Variants in SLC45A1 observed in about 807,000 individuals in gnomAD.
The protein encoded by SLC45A1 is proton-associated sugar transporter A.
SLC45A1 carries 28 observed loss-of-function variants against 57.6 expected under a neutral mutation model. The ratio of observed to expected loss-of-function variants is 0.49; its 90% CI spans 0.36 to 0.67. The LOEUF is 0.67. Ranked by LOEUF, SLC45A1 falls within the 30% of genes least tolerant of loss-of-function variation. The probability of loss-of-function intolerance (pLI) is 0.00; values close to 1 mark genes in which losing one functional copy is unlikely to be tolerated. For synonymous variants in SLC45A1, 459 were observed against 471.5 expected (o/e 0.97, Z 0.34); for missense variants, 814 against 1,041.5 (o/e 0.78, Z 3.01).
In SLC45A1 at chr1:8,343,849, C is replaced by T; in HGVS notation, c.2083C>T (p.Leu695=). 2 of 1,614,152 alleles carry T rather than the reference C, an allele frequency of 1.2e-6. No individual in the cohort carries two copies. Among genetic ancestry groups the T allele is most frequent in the Non-Finnish European group, 1.7e-6 (2 of 1,180,014 alleles). The part of the protein sequence containing the change: ...FLAQILVSLV[L]GPLTSAVGSA... Reference sequence around the variant, plus strand: ...GGCTCAGATTCTGGTCTCCCTGGTCCTGGGGCCCCTGACCTCGGCCGTGGG... The same window carrying T: ...GGCTCAGATTCTGGTCTCCCTGGTCTTGGGGCCCCTGACCTCGGCCGTGGG... The change falls in exon 9 of 9, where the codon CTG becomes TTG. Residue 695 remains leucine (L), a synonymous_variant. Transcript: ENST00000471889. This position sits in a 1 kb window ranked among gnomAD's most constrained non-coding sequence, Gnocchi z 7.7.
chr1:8,319,128 A>T (rs190557121), intron 1 of SLC45A1, among the ~76,000 whole-genome samples: 1 of 152,282 alleles, frequency 6.6e-6, no homozygotes, highest in African/African-American at 2.4e-5. Context: ...TAAAAATACA[A>T]AATTAGCCGG....
chr1:8,343,290 C>G lies in SLC45A1; in HGVS notation c.1981-457C>G, dbSNP rs189009910. Among the ~76,000 whole-genome samples the G allele has an allele frequency of 6.6e-6, 1 of 152,316 alleles. No individual in the cohort carries two copies. The highest frequency in any genetic ancestry group is 6.5e-5 in the Admixed American group (1 of 15,302). On this transcript the variant is annotated intron_variant, in intron 8 of 8. Coordinates refer to ENST00000471889, the MANE Select transcript of SLC45A1 (RefSeq NM_001080397.3). The surrounding 1 kb of genome is among the most constrained non-coding windows in gnomAD (Gnocchi z 7.7). ...AGGGAGAGTGAGTGACGTGCCCAAG[C>G]TGGAGGCCACGAGGACCTTGGAGCC...
rs1640890106 is a variant in SLC45A1, at chr1:8,343,344, G to A, written c.1981-403G>A. ...GACAGAGGACCAGCGGCTGTCATGT[G>A]CAGAGGACTTTGGGGGTGTAGGGCA... On this transcript the variant is annotated intron_variant, in intron 8 of 8. Coordinates refer to ENST00000471889, the MANE Select transcript of SLC45A1 (RefSeq NM_001080397.3). This position sits in a 1 kb window ranked among gnomAD's most constrained non-coding sequence, Gnocchi z 7.7. Among the ~76,000 whole-genome samples the A allele has an allele frequency of 6.6e-6, 1 of 152,226 alleles. No individual in the cohort carries two copies. Among genetic ancestry groups the A allele is most frequent in the Admixed American group, 6.5e-5 (1 of 15,284 alleles).
chr1:8,324,502 C>CCGGG lies in SLC45A1; in HGVS notation c.174_175insGGGC (p.Ser59GlyfsTer14). 1.2e-6 allele frequency: 2 copies of CCGGG among 1,610,512 alleles called. No homozygotes were observed. Among genetic ancestry groups the CCGGG allele is most frequent in the South Asian group, 1.1e-5 (1 of 91,058 alleles). On this transcript the variant is annotated frameshift_variant, in exon 2 of 9. Coordinates refer to ENST00000471889, the MANE Select transcript of SLC45A1 (RefSeq NM_001080397.3). LOFTEE classifies it high-confidence loss of function. ...CCCAAGAGGAGGAAGTGCATTCGTCCCTCCCCACCCCCGCCCCCCAACACC... is the reference window on the plus strand; with the variant it reads ...CCCAAGAGGAGGAAGTGCATTCGTCCCGGGCTCCCCACCCCCGCCCCCCAACACC...
intron 5 of SLC45A1, among the ~76,000 whole-genome samples, chr1:8,334,406 G>C (rs988800418): frequency 1.3e-5 from 2 of 152,156 alleles, no homozygotes; most frequent in African/African-American, 2.4e-5. Context: ...CATCCCAGTG[G>C]AGCCAGGCAG....
rs1184750166 is a variant in SLC45A1 at position 8,325,159 on chromosome 1, C to T, written c.398-139C>T. The T allele has an allele frequency of 9.7e-6, 6 of 621,602 alleles. No homozygotes were observed. Among genetic ancestry groups the T allele is most frequent in the Non-Finnish European group, 1.7e-5 (6 of 347,384 alleles). The allele number at this position is 621,602 out of a possible 1,614,324, so 38.5% of individuals were successfully genotyped here. A position where few individuals can be genotyped will look rare whatever the true frequency, so the allele number is the denominator to read the frequency against. On this transcript the variant is annotated intron_variant, in intron 2 of 8. Transcript: ENST00000471889. This position sits in a 1 kb window ranked among gnomAD's most constrained non-coding sequence, Gnocchi z 6.3. ...TTGGTTTCCGAGTTCAGGGTTTTGT[C>T]ACTGACTGTTTCATCATCTTATTCT...
rs111698660 is a variant in SLC45A1 at position 8,342,898 on chromosome 1, C to CAAA, written c.1981-837_1981-835dup. Among the ~76,000 whole-genome samples, 681 of 132,782 alleles carry CAAA rather than the reference C, an allele frequency of 5.1e-3. 9 individuals are homozygous for CAAA. The highest frequency in any genetic ancestry group is 0.012 in the South Asian group (48 of 4,004). 87.1% of individuals were successfully genotyped at this position (132,782 alleles called of 152,430 possible). A position where few individuals can be genotyped will look rare whatever the true frequency, so the allele number is the denominator to read the frequency against. On this transcript the variant is annotated intron_variant, in intron 8 of 8. Transcript: ENST00000471889. ...TGGGCAACAGAGCAAGACCCTGTCT[C>CAAA]AAAAAAAAAAAAAAGAAAAGAGAAA...
intron 5 of SLC45A1, among the ~76,000 whole-genome samples, chr1:8,333,982 G>A (rs1640513725): frequency 6.6e-6 from 1 of 152,242 alleles, no homozygotes; most frequent in Admixed American, 6.5e-5. Context: ...CCTTATCAAG[G>A]AAAGAGGTTT....
At chr1:8,340,377 T>C (rs1640772124) in intron 8 of SLC45A1, among the ~76,000 whole-genome samples, 1 of 152,138 alleles carries the variant, frequency 6.6e-6, no homozygotes, top group African/African-American at 2.4e-5. Flanking sequence ...TTGGTCAGGC[T>C]GGTCTCAATC....
chr1:8,332,619 C>G (rs2124309678), intron 5 of SLC45A1, among the ~76,000 whole-genome samples: 1 of 151,190 alleles, frequency 6.6e-6, no homozygotes, highest in East Asian at 2.0e-4. Flanking sequence ...TCAAGTGATT[C>G]TCCTGCTTCA....
chr1:8,337,849 A>G lies in SLC45A1; in HGVS notation c.1631A>G (p.Tyr544Cys). 6.2e-7 allele frequency: 1 copy of G among 1,614,202 alleles called. No homozygotes were observed. Among genetic ancestry groups the G allele is most frequent in the Non-Finnish European group, 8.5e-7 (1 of 1,180,026 alleles). ...TCATTCGAGGGGATGTTGCTCTTCT[A>G]CACAGACTTCATGGGCGAGGTGGTG... Reference protein sequence around the residue: ...WLSFEGMLLFYTDFMGEVVFQ... With the variant: ...WLSFEGMLLFCTDFMGEVVFQ... The change falls in exon 7 of 9, where the codon TAC becomes TGC. Residue 544 changes from tyrosine to cysteine, a missense_variant. Transcript: ENST00000471889.
intron 1 of SLC45A1, among the ~76,000 whole-genome samples, chr1:8,320,689 C>G (rs573011474): frequency 0.012 from 958 of 77,424 alleles, 8 homozygotes; most frequent in African/African-American, 0.049. Flanking sequence ...TTCTCTCTCT[C>G]TCTACACACA....
chr1:8,332,156 A>C (rs966825382), intron 5 of SLC45A1, among the ~76,000 whole-genome samples: 1 of 152,168 alleles, frequency 6.6e-6, no homozygotes, highest in African/African-American at 2.4e-5. Flanking sequence ...CCTGCTAGTG[A>C]GTTTCTTAGA....
At chr1:8,324,780 C>T in intron 2 of SLC45A1, 54 bp downstream of exon 2, 4 of 1,481,790 alleles carry the variant, frequency 2.7e-6, no homozygotes, top group Non-Finnish European at 3.6e-6. Context: ...CTCCAGAAGC[C>T]TCATCGCAGT....
Position 8,325,195 on chromosome 1 carries a change from T to C in SLC45A1, c.398-103T>C. The C allele has an allele frequency of 1.4e-6, 1 of 731,658 alleles. No homozygotes were observed. Among genetic ancestry groups the C allele is most frequent in the Admixed American group, 2.3e-5 (1 of 42,588 alleles). 45.3% of individuals were successfully genotyped at this position (731,658 alleles called of 1,614,324 possible). ...TCATCATCTTATTCTTTTGATGCACTGGGGGTGTTTGAGAGCAGGCACTTC... is the reference window on the plus strand; with the variant it reads ...TCATCATCTTATTCTTTTGATGCACCGGGGGTGTTTGAGAGCAGGCACTTC... On this transcript the variant is annotated intron_variant, in intron 2 of 8. Coordinates refer to ENST00000471889, the MANE Select transcript of SLC45A1 (RefSeq NM_001080397.3). This position sits in a 1 kb window ranked among gnomAD's most constrained non-coding sequence, Gnocchi z 6.3.
rs913717177 is a variant in SLC45A1 at position 8,324,699 on chromosome 1, C to T, written c.370C>T (p.Leu124=). Residue 124 remains leucine, a synonymous_variant, in exon 2 of 9, where the codon CTG becomes TTG. Coordinates refer to ENST00000471889, the MANE Select transcript of SLC45A1 (RefSeq NM_001080397.3). ...QMGLPDQLYS[L]VWFISPILGF... ...GGGCCTGCCCGACCAGCTCTACAGC[C>T]TGGTGTGGTTCATCAGCCCCATCCT... 6.3e-7 allele frequency: 1 copy of T among 1,594,588 alleles called. No homozygotes were observed. The highest frequency in any genetic ancestry group is 1.3e-5 in the African/African-American group (1 of 74,588).
intron 6 of SLC45A1, among the ~76,000 whole-genome samples, chr1:8,337,185 A>G (rs1198351991): frequency 3.3e-5 from 5 of 152,216 alleles, no homozygotes; most frequent in African/African-American, 9.6e-5. Context: ...CACATCTTAC[A>G]TGGTGGCAGG....
At chr1:8,341,936 G>T (rs562943252) in intron 8 of SLC45A1, among the ~76,000 whole-genome samples, 2 of 143,868 alleles carry the variant, frequency 1.4e-5, no homozygotes, top group Non-Finnish European at 3.0e-5. Flanking sequence ...GGCCGGGTGC[G>T]GTGGCTCACG....
At position 8,330,749 on chromosome 1, in the gene SLC45A1, T is replaced by A. The variant is rs374431547; in HGVS notation, c.1256T>A (p.Leu419Gln). Reference sequence around the variant, plus strand: ...TTCTACCGCCAGGACCGTGGACTTCTGGAGGGCAGAGAGGGTGCCCTGACC... The same window carrying A: ...TTCTACCGCCAGGACCGTGGACTTCAGGAGGGCAGAGAGGGTGCCCTGACC... ...DGFYRQDRGL[L>Q]EGREGALTSG... The change falls in exon 5 of 9, where the codon CTG becomes CAG. Residue 419 changes from leucine (L) to glutamine (Q), a missense_variant. By Grantham distance (113) the Leu-to-Gln change is moderately radical. Coordinates refer to ENST00000471889, the MANE Select transcript of SLC45A1 (RefSeq NM_001080397.3). This position sits in a 1 kb window ranked among gnomAD's most constrained non-coding sequence, Gnocchi z 8.4. 4.2e-5 allele frequency: 67 copies of A among 1,613,218 alleles called. No homozygotes were observed. The Admixed American group carries it at 1.1e-3, about 26-fold the overall frequency.
Sources: allele counts gnomAD v4.1 joint callset (sites outside exome capture counted in the v4.1 genomes callset), GRCh38; gene constraint gnomAD v4.1.1; non-coding constraint Gnocchi (gnomAD v3.1); transcripts MANE v1.5; gene names NCBI Gene and HGNC (gene_info 2026-07-23, HGNC 2026-07-21).